The following MAU2 variants were observed in gnomAD, a reference collection of about 807,000 sequenced individuals.
The protein encoded by MAU2 is MAU2 sister chromatid cohesion factor.
A neutral mutation model predicts 89.1 loss-of-function variants in MAU2; 9 were observed. The observed-to-expected ratio is 0.10, with a 90% CI of 0.06 to 0.18. The LOEUF is 0.18. MAU2 is among the 10% of genes least tolerant of loss of function. The pLI is 1.00. For missense variants in MAU2, 425 were observed against 803.5 expected (o/e 0.53, Z 5.69); for synonymous variants, 357 against 343.4 (o/e 1.04, Z -0.44).
Position 19,358,639 on chromosome 19 carries a change from A to G in MAU2, c.*2857A>G, listed in dbSNP as rs2048204768. 1 of 152,262 alleles carries G rather than the reference A, an allele frequency of 6.6e-6. No individual in the cohort carries two copies. Among genetic ancestry groups the G allele is most frequent in the Admixed American group, 6.5e-5 (1 of 15,282 alleles). 9.4% of individuals were successfully genotyped at this position (152,262 alleles called of 1,614,324 possible). On this transcript the variant is annotated 3_prime_UTR_variant, in exon 19 of 19. Transcript: ENST00000262815. ...TTTCAGCTGGTGCTTTTACTTAGGG[A>G]AAAAAACAATTTGTAAATACAGAAC...
intron 9 of MAU2, among the ~76,000 whole-genome samples, chr19:19,343,395 C>T (rs1039384731): frequency 1.6e-4 from 25 of 152,176 alleles, no homozygotes; most frequent in African/African-American, 6.0e-4. Context: ...AGCCCAAAGC[C>T]GGATAGGCCC....
At chr19:19,336,266 G>T in intron 3 of MAU2, 79 bp downstream of exon 3, 1 of 1,087,756 alleles carries the variant, frequency 9.2e-7, no homozygotes, top group African/African-American at 1.6e-5. Flanking sequence ...GTAAATTGGG[G>T]TTCCGGGAGT....
intron 17 of MAU2, chr19:19,354,996 TGAGGGCTGGCCATGGGCTCCCTG>T: frequency 2.3e-6 from 1 of 429,816 alleles, no homozygotes; most frequent in East Asian, 3.8e-5. Context: ...CCTGTTTGCC[TGAGGGCTGGCCATGGGCTCCCTG>T]GAGGGCTGGC....
At chr19:19,342,448 T>C (rs1466581380) in intron 7 of MAU2, 87 bp from the exon 8 acceptor site, 1 of 1,469,730 alleles carries the variant, frequency 6.8e-7, no homozygotes, top group African/African-American at 1.4e-5. Context: ...AGATGCTCCC[T>C]AGAGGAAGGA....
rs375208299 is a variant in MAU2, at chr19:19,345,421, G to C, written c.1221+52G>C. On this transcript the variant is annotated intron_variant, in intron 12 of 18. Coordinates refer to ENST00000262815, the MANE Select transcript of MAU2 (RefSeq NM_015329.4). This position sits in a 1 kb window ranked among gnomAD's most constrained non-coding sequence, Gnocchi z 4.9. ...CGGGGCGGGCCACACTTCTGAGTAA[G>C]GAGTCGGGCGTGGTCTGTGATGAGG... The C allele has an allele frequency of 7.4e-4, 1,164 of 1,574,074 alleles. 2 individuals are homozygous for C. The highest frequency in any genetic ancestry group is 7.8e-4 in the Non-Finnish European group (898 of 1,147,718).
At chr19:19,342,960 G>A in intron 9 of MAU2, 94 bp downstream of exon 9, 1 of 1,350,894 alleles carries the variant, frequency 7.4e-7, no homozygotes, top group Non-Finnish European at 1.0e-6. Context: ...GTGACCCTGT[G>A]TGACCGCAGC....
Position 19,321,078 on chromosome 19 carries a change from C to A in MAU2, c.219C>A (p.Ser73=). 6.2e-7 allele frequency: 1 copy of A among 1,611,772 alleles called. No homozygotes were observed. Among genetic ancestry groups the A allele is most frequent in the South Asian group, 1.1e-5 (1 of 90,454 alleles). ...CCCGTACACACCTGCAGCTGGGCTC[C>A]GTTCTCTATCACCACACCAAGAACA... ...IEARTHLQLG[S]VLYHHTKNSE... Residue 73 remains serine (S), a synonymous_variant, in exon 1 of 19, where the codon TCC becomes TCA. Transcript: ENST00000262815.
At chr19:19,354,470 C>T (rs532704836) in intron 17 of MAU2, 25 bp downstream of exon 17, 1 of 1,588,628 alleles carries the variant, frequency 6.3e-7, no homozygotes, top group South Asian at 1.1e-5. Flanking sequence ...CACCCCTCTT[C>T]CCCAGCCCCA....
rs905802598 is a variant in MAU2 at position 19,345,001 on chromosome 19, A to C, written c.1155+75A>C. ...AAGTAAGTACCTAACCAGATCCAGA[A>C]CATTCCCAGTGAAGGACCCCCTGAC... On this transcript the variant is annotated intron_variant, in intron 11 of 18. Coordinates refer to ENST00000262815, the MANE Select transcript of MAU2 (RefSeq NM_015329.4). This position sits in a 1 kb window ranked among gnomAD's most constrained non-coding sequence, Gnocchi z 4.9. The C allele has an allele frequency of 2.9e-6, 4 of 1,380,570 alleles. No individual in the cohort carries two copies. The African/African-American group carries it at 5.7e-5, about 20-fold the overall frequency. The allele number at this position is 1,380,570 out of a possible 1,614,324, so 85.5% of individuals were successfully genotyped here.
In MAU2 at chr19:19,320,830, T is replaced by G; in HGVS notation, c.-30T>G. 6.7e-7 allele frequency: 1 copy of G among 1,494,344 alleles called. No individual in the cohort carries two copies. The highest frequency in any genetic ancestry group is 8.8e-7 in the Non-Finnish European group (1 of 1,136,210). 92.6% of individuals were successfully genotyped at this position (1,494,344 alleles called of 1,614,324 possible). The stretch of plus-strand genomic sequence containing the variant: ...TCGCGCGCCTGCTTCCGCCTCCCTG[T>G]GGCGGCGGCTTGTTGTTGTGGAGGC... On this transcript the variant is annotated 5_prime_UTR_variant, in exon 1 of 19. Transcript: ENST00000262815.
intron 5 of MAU2, 24 bp downstream of exon 5, chr19:19,338,963 C>A: frequency 6.3e-7 from 1 of 1,583,636 alleles, no homozygotes; most frequent in Non-Finnish European, 8.6e-7. Context: ...CCCCTCCTTC[C>A]CTCCTGCTCT....
chr19:19,350,799 C>T (rs2061737647), intron 16 of MAU2, among the ~76,000 whole-genome samples: 1 of 151,548 alleles, frequency 6.6e-6, no homozygotes, highest in Non-Finnish European at 1.5e-5. Context: ...ATTTGGGAGG[C>T]TGAGGCAGGA....
intron 18 of MAU2, 68 bp from the exon 19 acceptor site, chr19:19,355,640 C>A: frequency 2.1e-6 from 3 of 1,396,806 alleles, no homozygotes; most frequent in African/African-American, 1.4e-5. Flanking sequence ...AGGAAGGCAG[C>A]ATTCCAACCT....
intron 1 of MAU2, 101 bp downstream of exon 1, chr19:19,321,236 C>T (rs1348083340): frequency 2.3e-6 from 3 of 1,321,858 alleles, no homozygotes; most frequent in Non-Finnish European, 3.0e-6. Context: ...TCCTCGGCGA[C>T]CTGGGGGCGC....
intron 1 of MAU2, among the ~76,000 whole-genome samples, chr19:19,329,253 G>A (rs1404471887): frequency 1.4e-5 from 2 of 148,002 alleles, no homozygotes; most frequent in African/African-American, 5.1e-5. Flanking sequence ...AGAGCTGGCC[G>A]TTACGCAGTT....
chr19:19,337,272 A>G lies in MAU2; in HGVS notation c.456+7A>G. 3 of 1,611,170 alleles carry G rather than the reference A, an allele frequency of 1.9e-6. No homozygotes were observed. Among genetic ancestry groups the G allele is most frequent in the Non-Finnish European group, 2.5e-6 (3 of 1,178,178 alleles). On this transcript the variant is annotated splice_region_variant and intron_variant, in intron 4 of 18. Coordinates refer to ENST00000262815, the MANE Select transcript of MAU2 (RefSeq NM_015329.4). ...CCTGCTCTTCCAGCTCGCTGTGAGT[A>G]CCGCGGCCCGGGAACGAGGGTGCCC... is the stretch of plus-strand genomic sequence containing the variant.
intron 1 of MAU2, among the ~76,000 whole-genome samples, chr19:19,322,617 G>GA (rs990754285): frequency 1.3e-5 from 2 of 151,952 alleles, no homozygotes; most frequent in African/African-American, 4.8e-5. Flanking sequence ...AGATAATAAG[G>GA]AAAAAATAAT....
rs1485774429 is a variant in MAU2, at chr19:19,356,162, T to TC, written c.*382dup. 1 of 427,060 alleles carries TC rather than the reference T, an allele frequency of 2.3e-6. No individual in the cohort carries two copies. Among genetic ancestry groups the TC allele is most frequent in the African/African-American group, 2.0e-5 (1 of 49,964 alleles). The allele number at this position is 427,060 out of a possible 1,614,324, so 26.5% of individuals were successfully genotyped here. A position where few individuals can be genotyped will look rare whatever the true frequency, so the allele number is the denominator to read the frequency against. ...GCCCCAGGGGCACCACGCCTGACTCTCCATCACCCAGGCCTTGATGCCGAG... is the reference window on the plus strand; with the variant it reads ...GCCCCAGGGGCACCACGCCTGACTCTCCCATCACCCAGGCCTTGATGCCGAG... On this transcript the variant is annotated 3_prime_UTR_variant, in exon 19 of 19. Coordinates refer to ENST00000262815, the MANE Select transcript of MAU2 (RefSeq NM_015329.4).
chr19:19,337,297 C>T (rs745497948), intron 4 of MAU2, 32 bp downstream of exon 4: 24 of 1,560,834 alleles, frequency 1.5e-5, no homozygotes, highest in Middle Eastern at 1.8e-4. Context: ...CGAGGGTGCC[C>T]GGCAGGGACC....
Sources: gnomAD v4.1 joint callset for allele counts (sites outside exome capture counted in the v4.1 genomes callset) on GRCh38, gnomAD v4.1.1 for gene constraint, Gnocchi (gnomAD v3.1) non-coding constraint, MANE v1.5 for transcripts, NCBI Gene and HGNC (gene_info 2026-07-23, HGNC 2026-07-21) for gene names.